IQGAP1: variants seen among roughly 807,000 people sequenced by gnomAD.
IQGAP1 encodes the protein IQ motif containing GTPase activating protein 1.
In IQGAP1, 66 loss-of-function variants were observed where a neutral mutation model predicts 215.6. The ratio of observed to expected loss-of-function variants is 0.31; its 90% CI spans 0.25 to 0.38. The LOEUF (loss-of-function observed/expected upper bound fraction) is 0.38. Among genes scored for constraint, IQGAP1 ranks in the 10% least tolerant of loss-of-function variants. The pLI is 1.00. For missense variants in IQGAP1, 1,712 were observed against 1,997.1 expected, an observed-to-expected ratio of 0.86 and a Z score of 2.72; for synonymous variants, 772 against 728.7, an observed-to-expected ratio of 1.06 and a Z score of -0.96.
In IQGAP1 at chr15:90,426,164, G is replaced by C. The variant is rs767538173; in HGVS notation, c.210G>C (p.Glu70Asp). ...EDLPPTTELE[E>D]GLRNGVYLAK... The stretch of plus-strand genomic sequence containing the variant: ...TGCCTCCCACCACAGAACTGGAGGA[G>C]GGGCTTAGGAATGGGGTCTACCTTG... Residue 70 changes from glutamate to aspartate, a missense_variant, in exon 3 of 38, where the codon GAG becomes GAC. Physicochemically the swap from Glu to Asp is conservative, Grantham distance 45. Around this residue, in one of 2 missense-constraint regions of IQGAP1, gnomAD observed 1,021 missense variants for 1,074.2 expected, o/e 0.95. Coordinates refer to ENST00000268182, the MANE Select transcript of IQGAP1 (RefSeq NM_003870.4). 1 of 1,604,100 alleles carries C rather than the reference G, an allele frequency of 6.2e-7. No individual in the cohort carries two copies. Among genetic ancestry groups the C allele is most frequent in the South Asian group, 1.1e-5 (1 of 90,130 alleles).
In IQGAP1 at chr15:90,467,433, C is replaced by G. The variant is rs770868907; in HGVS notation, c.2036-17C>G. ...GTGGCTCTGGATGTCTTCTATCTTTCCTTTATTTTCTGCCAGGAGATAATA... is the reference window on the plus strand; with the variant it reads ...GTGGCTCTGGATGTCTTCTATCTTTGCTTTATTTTCTGCCAGGAGATAATA... On this transcript the variant is annotated splice_polypyrimidine_tract_variant and intron_variant, in intron 17 of 37. Transcript: ENST00000268182. 1 of 1,604,256 alleles carries G rather than the reference C, an allele frequency of 6.2e-7. No individual in the cohort carries two copies. The highest frequency in any genetic ancestry group is 8.5e-7 in the Non-Finnish European group (1 of 1,176,356).
rs137966814 is a variant in IQGAP1, at chr15:90,472,260, A to G, written c.2179-580A>G. ...ACTGCACTCCAGCCTGGATGACAGA[A>G]TGAAACCTTGTCTCTAAAGTAAATA... is the stretch of plus-strand genomic sequence containing the variant. On this transcript the variant is annotated intron_variant, in intron 18 of 37. Coordinates refer to ENST00000268182, the MANE Select transcript of IQGAP1 (RefSeq NM_003870.4). Among the ~76,000 whole-genome samples the G allele has an allele frequency of 7.5e-3, 1,146 of 152,278 alleles. 12 individuals are homozygous for G. Among genetic ancestry groups the G allele is most frequent in the African/African-American group, 0.026 (1,095 of 41,554 alleles).
At chr15:90,496,306 C>CTTTTTTTTTTTTTTTTTTTTTTTTTTTTT (rs552222380) in intron 36 of IQGAP1, among the ~76,000 whole-genome samples, 14 of 106,112 alleles carry the variant, frequency 1.3e-4, no homozygotes, top group African/African-American at 5.8e-4. Context: ...AGCATAATCC[C>CTTTTTTTTTTTTTTTTTTTTTTTTTTTTT]TTTTTTTTTT....
chr15:90,435,370 G>A (rs944396205), intron 5 of IQGAP1, among the ~76,000 whole-genome samples: 11 of 152,168 alleles, frequency 7.2e-5, no homozygotes, highest in African/African-American at 2.7e-4. Flanking sequence ...TAGCTACTCT[G>A]GAGGCTGAGG....
intron 2 of IQGAP1, among the ~76,000 whole-genome samples, chr15:90,416,048 C>G (rs1476814283): frequency 1.3e-5 from 2 of 151,770 alleles, no homozygotes; most frequent in Non-Finnish European, 2.9e-5. Flanking sequence ...ACTTTAAGTT[C>G]CAGGGTACAT....
Position 90,448,630 on chromosome 15 carries a change from T to C in IQGAP1, c.971T>C (p.Leu324Ser). Reference sequence around the variant, plus strand: ...TTAGAACAAGGAGATGCACTGGCCTTGTTCAGGGCTCTGCAGTCACCAGCC... The same window carrying C: ...TTAGAACAAGGAGATGCACTGGCCTCGTTCAGGGCTCTGCAGTCACCAGCC... Reference protein sequence around the residue: ...LALEQGDALALFRALQSPALG... With the variant: ...LALEQGDALASFRALQSPALG... The change falls in exon 10 of 38, where the codon TTG becomes TCG. Residue 324 changes from leucine (L) to serine (S), a missense_variant. Physicochemically the swap from Leu to Ser is moderately radical, Grantham distance 145 (BLOSUM62 -2). Transcript: ENST00000268182. 6.2e-7 allele frequency: 1 copy of C among 1,610,894 alleles called. No individual in the cohort carries two copies. Among genetic ancestry groups the C allele is most frequent in the Non-Finnish European group, 8.5e-7 (1 of 1,178,620 alleles).
At chr15:90,433,051 G>A (rs573704768) in intron 4 of IQGAP1, among the ~76,000 whole-genome samples, 9 of 152,188 alleles carry the variant, frequency 5.9e-5, no homozygotes, top group East Asian at 5.8e-4. Flanking sequence ...CCCTGCCTTC[G>A]TGTGGCTTAT....
At chr15:90,428,656 A>G (rs1965260613) in intron 3 of IQGAP1, among the ~76,000 whole-genome samples, 1 of 151,946 alleles carries the variant, frequency 6.6e-6, no homozygotes, top group African/African-American at 2.4e-5. Context: ...GGTGACATGC[A>G]CTCGTAGTCC....
intron 14 of IQGAP1, 79 bp downstream of exon 14, chr15:90,454,631 C>T: frequency 1.4e-6 from 2 of 1,412,896 alleles, no homozygotes; most frequent in South Asian, 1.5e-5. Flanking sequence ...CAAAATACTA[C>T]TCCTAGAAGG....
At chr15:90,487,471 A>G (rs1275929513) in intron 32 of IQGAP1, 24 bp from the exon 33 acceptor site, 1 of 1,566,460 alleles carries the variant, frequency 6.4e-7, no homozygotes. Flanking sequence ...GTAATATTTA[A>G]ATGCCTCCCC....
chr15:90,500,414 GT>G lies in IQGAP1; in HGVS notation c.*307del. ...TGTTGTTACAGTCTTAGAGGTTGCA[GT>G]ACTATATTGTAAGCTTTGGTGTTTG... On this transcript the variant is annotated 3_prime_UTR_variant, in exon 38 of 38. Transcript: ENST00000268182. 4.0e-6 allele frequency: 1 copy of G among 247,258 alleles called. No homozygotes were observed. The highest frequency in any genetic ancestry group is 1.5e-3 in the Middle Eastern group (1 of 664). The allele number at this position is 247,258 out of a possible 1,614,324, so 15.3% of individuals were successfully genotyped here.
At chr15:90,467,344 G>C in intron 17 of IQGAP1, 106 bp from the exon 18 acceptor site, 1 of 1,104,488 alleles carries the variant, frequency 9.1e-7, no homozygotes, top group East Asian at 2.6e-5. Flanking sequence ...CTTTTGGAGT[G>C]GTCTTCATTT....
intron 15 of IQGAP1, among the ~76,000 whole-genome samples, chr15:90,457,441 T>A (rs1000473257): frequency 6.6e-6 from 1 of 152,036 alleles, no homozygotes; most frequent in Admixed American, 6.5e-5. Context: ...TTTGTTTTTT[T>A]TTTGAGACGG....
At chr15:90,472,448 C>T (rs893586134) in intron 18 of IQGAP1, among the ~76,000 whole-genome samples, 6 of 152,248 alleles carry the variant, frequency 3.9e-5, no homozygotes, top group African/African-American at 1.2e-4. Flanking sequence ...CCTGAGATGT[C>T]CTGCATTGTG....
chr15:90,432,463 C>G (rs1965316268), intron 4 of IQGAP1, among the ~76,000 whole-genome samples: 1 of 152,160 alleles, frequency 6.6e-6, no homozygotes, highest in South Asian at 2.1e-4. Context: ...TATTTTTATC[C>G]TTAGCTCCAA....
intron 4 of IQGAP1, among the ~76,000 whole-genome samples, chr15:90,430,326 C>G (rs768073008): frequency 1.3e-3 from 199 of 152,140 alleles, no homozygotes; most frequent in Middle Eastern, 3.4e-3. Flanking sequence ...TTCTTTTGTT[C>G]TCATTTTTTT....
At chr15:90,437,635 C>T (rs145553638) in intron 5 of IQGAP1, among the ~76,000 whole-genome samples, 1 of 152,226 alleles carries the variant, frequency 6.6e-6, no homozygotes, top group East Asian at 1.9e-4. Flanking sequence ...ACCTCCCAGG[C>T]ACAAGCTATC....
intron 9 of IQGAP1, among the ~76,000 whole-genome samples, chr15:90,444,287 A>ATT (rs1276362322): frequency 0.015 from 1,386 of 90,980 alleles, 28 homozygotes; most frequent in East Asian, 0.06. Context: ...GTGTATATAT[A>ATT]TATTTTTTTT....
chr15:90,395,194 G>C (rs921834749), intron 2 of IQGAP1, among the ~76,000 whole-genome samples: 10 of 152,044 alleles, frequency 6.6e-5, no homozygotes, highest in Non-Finnish European at 1.5e-4. Flanking sequence ...TTTTGCTAAG[G>C]GCTGCACAAT....
Sources: allele counts gnomAD v4.1 joint callset (sites outside exome capture counted in the v4.1 genomes callset), GRCh38; gene constraint gnomAD v4.1.1; regional missense constraint gnomAD v4.1.1; transcripts MANE v1.5; gene names NCBI Gene and HGNC (gene_info 2026-07-23, HGNC 2026-07-21).